The following MSRA variants were observed in gnomAD, a reference collection of about 807,000 sequenced individuals.
The protein encoded by MSRA is mitochondrial peptide methionine sulfoxide reductase.
MSRA carries 54 observed loss-of-function variants against 31.3 expected under a neutral mutation model. The observed-to-expected ratio is 1.73, with a 90% CI of 1.39 to 2.17. The LOEUF is 2.17. MSRA is among the 30% of genes most tolerant of loss of function. The pLI is 0.00. For missense variants in MSRA, 507 were observed against 300.9 expected, an observed-to-expected ratio of 1.69 and a Z score of -5.07; for synonymous variants, 169 against 116.5, an observed-to-expected ratio of 1.45 and a Z score of -2.90.
intron 2 of MSRA, among the ~76,000 whole-genome samples, chr8:10,235,617 C>T (rs1378039177): frequency 6.6e-6 from 1 of 152,038 alleles, no homozygotes; most frequent in African/African-American, 2.4e-5. Context: ...GCAACGAAAA[C>T]CTCTAAAAAG....
At chr8:10,404,926 G>A (rs1807707955) in intron 5 of MSRA, among the ~76,000 whole-genome samples, 1 of 152,176 alleles carries the variant, frequency 6.6e-6, no homozygotes, top group African/African-American at 2.4e-5. Flanking sequence ...TGCTCCCCAC[G>A]ATGGCTTTGG....
chr8:10,121,430 G>A (rs12678800), intron 1 of MSRA, among the ~76,000 whole-genome samples: 76,754 of 151,978 alleles, frequency 0.51, 20,360 homozygotes, highest in East Asian at 0.95. Flanking sequence ...GCAGTGCTTG[G>A]CAGGCTGACG....
At chr8:10,163,613 C>A (rs1585068355) in intron 1 of MSRA, among the ~76,000 whole-genome samples, 1 of 150,776 alleles carries the variant, frequency 6.6e-6, no homozygotes, top group Non-Finnish European at 1.5e-5. Flanking sequence ...CTGGAAGATG[C>A]AAGATGAAAT....
intron 2 of MSRA, among the ~76,000 whole-genome samples, chr8:10,227,519 C>A (rs1437794809): frequency 1.3e-5 from 2 of 152,164 alleles, no homozygotes; most frequent in Non-Finnish European, 2.9e-5. Flanking sequence ...CCTTGGAATT[C>A]TGATTCTTGA....
chr8:10,213,803 C>G (rs904137124), intron 2 of MSRA, among the ~76,000 whole-genome samples: 11 of 152,092 alleles, frequency 7.2e-5, no homozygotes, highest in African/African-American at 2.7e-4. Flanking sequence ...GTGCAGAGGT[C>G]TCTTCGATAC....
chr8:10,065,533 C>G (rs557140072), intron 1 of MSRA, among the ~76,000 whole-genome samples: 1 of 152,216 alleles, frequency 6.6e-6, no homozygotes, highest in Admixed American at 6.5e-5. Context: ...TTTGGGGAGA[C>G]ACACACCTGA....
intron 1 of MSRA, among the ~76,000 whole-genome samples, chr8:10,074,372 G>A (rs886935817): frequency 2.4e-4 from 37 of 151,638 alleles, no homozygotes; most frequent in Non-Finnish European, 2.5e-4. Context: ...GTGAGCTGCC[G>A]CACCCAGCCT....
chr8:10,121,960 C>T (rs1801146017), intron 1 of MSRA, among the ~76,000 whole-genome samples: 1 of 151,904 alleles, frequency 6.6e-6, no homozygotes, highest in African/African-American at 2.4e-5. Context: ...GGGTTACAGG[C>T]ATGAGCCACT....
At chr8:10,084,619 C>T (rs959674008) in intron 1 of MSRA, among the ~76,000 whole-genome samples, 1 of 152,194 alleles carries the variant, frequency 6.6e-6, no homozygotes, top group Non-Finnish European at 1.5e-5. Context: ...GTTAAGGTCT[C>T]TGTGCCTTAG....
chr8:10,216,546 G>A (rs1810007591), intron 2 of MSRA, among the ~76,000 whole-genome samples: 2 of 152,012 alleles, frequency 1.3e-5, no homozygotes, highest in Admixed American at 1.3e-4. Flanking sequence ...CTTCTCAAAG[G>A]GAAGCTCCAT....
intron 2 of MSRA, among the ~76,000 whole-genome samples, chr8:10,226,936 C>T (rs1391654228): frequency 6.6e-6 from 1 of 152,128 alleles, no homozygotes; most frequent in Non-Finnish European, 1.5e-5. Flanking sequence ...CAGCTAGCAA[C>T]CACTTGCCTT....
At chr8:10,184,389 T>A (rs1248762840) in intron 1 of MSRA, among the ~76,000 whole-genome samples, 1 of 152,098 alleles carries the variant, frequency 6.6e-6, no homozygotes, top group East Asian at 1.9e-4. Context: ...AGAATCAGTT[T>A]CCTGCCTGGG....
intron 5 of MSRA, among the ~76,000 whole-genome samples, chr8:10,417,009 T>C (rs1808501124): frequency 6.6e-6 from 1 of 152,168 alleles, no homozygotes; most frequent in Non-Finnish European, 1.5e-5. Context: ...ATGAAAGCCA[T>C]TAGCTGTGTG....
At chr8:10,068,294 C>G (rs374042995) in intron 1 of MSRA, among the ~76,000 whole-genome samples, 1 of 152,070 alleles carries the variant, frequency 6.6e-6, no homozygotes, top group Non-Finnish European at 1.5e-5. Context: ...TTGACAGTAT[C>G]TTTGGGAAAG....
intron 5 of MSRA, among the ~76,000 whole-genome samples, chr8:10,412,653 C>T (rs1433089851): frequency 6.6e-6 from 1 of 152,174 alleles, no homozygotes; most frequent in Non-Finnish European, 1.5e-5. Flanking sequence ...AGACACTTCA[C>T]CAAAGAAGTC....
At chr8:10,159,836 C>T (rs1804484939) in intron 1 of MSRA, among the ~76,000 whole-genome samples, 1 of 152,110 alleles carries the variant, frequency 6.6e-6, no homozygotes, top group South Asian at 2.1e-4. Flanking sequence ...ATATCTAACC[C>T]ATTTAAGTGG....
chr8:10,111,084 T>G (rs965594692), intron 1 of MSRA, among the ~76,000 whole-genome samples: 3 of 152,196 alleles, frequency 2.0e-5, no homozygotes, highest in Admixed American at 1.3e-4. Context: ...TTTGACCAAG[T>G]GTAGCATCTT....
chr8:10,208,418 T>G (rs1280809124), intron 2 of MSRA, among the ~76,000 whole-genome samples: 1 of 152,232 alleles, frequency 6.6e-6, no homozygotes, highest in Non-Finnish European at 1.5e-5. Context: ...TGTACAATTA[T>G]GTGGTTGAGC....
At chr8:10,186,796 G>T (rs1035783295) in intron 1 of MSRA, among the ~76,000 whole-genome samples, 2 of 152,142 alleles carry the variant, frequency 1.3e-5, no homozygotes, top group South Asian at 4.1e-4. Flanking sequence ...TAGTCCTGCC[G>T]TGCTGCTATT....
Sources: gnomAD v4.1 joint callset for allele counts (sites outside exome capture counted in the v4.1 genomes callset) on GRCh38, gnomAD v4.1.1 for gene constraint, MANE v1.5 for transcripts, NCBI Gene and HGNC (gene_info 2026-07-23, HGNC 2026-07-21) for gene names.